The following RIOK1 variants were observed in gnomAD, a reference collection of about 807,000 sequenced individuals.
RIOK1 encodes the protein RIO kinase 1.
A neutral mutation model predicts 73.5 loss-of-function variants in RIOK1; 66 were observed. That is an observed-to-expected ratio of 0.90 (90% CI 0.74 to 1.10). The LOEUF is 1.10. RIOK1 is among the 50% of genes least tolerant of loss of function. The pLI is 0.00. For missense variants in RIOK1, 658 were observed against 699.8 expected, an observed-to-expected ratio of 0.94 and a Z score of 0.67; for synonymous variants, 224 against 226.8, an observed-to-expected ratio of 0.99 and a Z score of 0.11.
chr6:7,411,496 G>T (rs761648932), intron 14 of RIOK1, 45 bp downstream of exon 14: 32 of 1,609,252 alleles, frequency 2.0e-5, no homozygotes, highest in Non-Finnish European at 2.5e-5. Flanking sequence ...TTCAAAAGTA[G>T]TAGGGGACTG....
Position 7,411,426 on chromosome 6 carries a change from T to C in RIOK1, c.1364T>C (p.Met455Thr), listed in dbSNP as rs749735149. 1 of 1,614,094 alleles carries C rather than the reference T, an allele frequency of 6.2e-7. No homozygotes were observed. The highest frequency in any genetic ancestry group is 2.2e-5 in the East Asian group (1 of 44,866). The change falls in exon 14 of 17, where the codon ATG becomes ACG. Residue 455 changes from methionine to threonine, a missense_variant. Physicochemically the swap from Met to Thr is moderately conservative, Grantham distance 81 (BLOSUM62 -1). Coordinates refer to ENST00000379834, the MANE Select transcript of RIOK1 (RefSeq NM_031480.3). ...ATTATGAAATTGAAGGAAGAGGACA[T>C]GGCCATGAATGCCCAACAAGATAAT... ...DIIMKLKEEDMAMNAQQDNIL... is the reference protein window; with the variant it reads ...DIIMKLKEEDTAMNAQQDNIL...
At position 7,396,744 on chromosome 6, in the gene RIOK1, G is replaced by C; in HGVS notation, c.409G>C (p.Glu137Gln). 6.3e-7 allele frequency: 1 copy of C among 1,599,100 alleles called. No individual in the cohort carries two copies. Among genetic ancestry groups the C allele is most frequent in the Admixed American group, 1.7e-5 (1 of 59,466 alleles). ...VTDSVINKVT[E>Q]KSRQKEADMY... ...TGATTCCGTCATAAATAAAGTCACC[G>C]AAAAGTCTAGACAAAAGGAAGCAGA... The change falls in exon 4 of 17, where the codon GAA (glutamate) becomes CAA (glutamine). Residue 137 changes from glutamate to glutamine, a missense_variant. Coordinates refer to ENST00000379834, the MANE Select transcript of RIOK1 (RefSeq NM_031480.3).
At chr6:7,392,932 G>A in intron 1 of RIOK1, 167 bp from the exon 2 acceptor site, 1 of 984,302 alleles carries the variant, frequency 1.0e-6, no homozygotes. Flanking sequence ...CTGGAAAACA[G>A]GAGAACATGG....
chr6:7,404,324 A>C (rs1334293070), intron 9 of RIOK1, 94 bp from the exon 10 acceptor site: 5 of 1,378,808 alleles, frequency 3.6e-6, no homozygotes, highest in Middle Eastern at 2.0e-4. Flanking sequence ...TACAGCTCAC[A>C]TGATGAGTTG....
rs547365638 is a variant in RIOK1 at position 7,405,418 on chromosome 6, A to T, written c.1203+63A>T. ...GTACAGGTGCAGTATCTCTTATCTCAAGTGCTTGGGACCAGAAGTGTTTTG... is the reference window on the plus strand; with the variant it reads ...GTACAGGTGCAGTATCTCTTATCTCTAGTGCTTGGGACCAGAAGTGTTTTG... On this transcript the variant is annotated intron_variant, in intron 12 of 16. Coordinates refer to ENST00000379834, the MANE Select transcript of RIOK1 (RefSeq NM_031480.3). 5 of 947,242 alleles carry T rather than the reference A, an allele frequency of 5.3e-6. No individual in the cohort carries two copies. The South Asian group carries it at 7.0e-5, about 13-fold the overall frequency. The allele number at this position is 947,242 out of a possible 1,614,324, so 58.7% of individuals were successfully genotyped here. A position where few individuals can be genotyped will look rare whatever the true frequency, so the allele number is the denominator to read the frequency against.
In RIOK1 at chr6:7,401,028, G is replaced by C. The variant is rs949873342; in HGVS notation, c.551G>C (p.Gly184Ala). The change falls in exon 6 of 17, where the codon GGC (glycine) becomes GCC (alanine). Residue 184 changes from glycine to alanine, a missense_variant. Gly to Ala is a moderately conservative substitution (Grantham distance 60, BLOSUM62 0). Coordinates refer to ENST00000379834, the MANE Select transcript of RIOK1 (RefSeq NM_031480.3). ...LTRGIITEIN[G>A]CISTGKEANV... ...AGAGGAATCATAACAGAGATAAATG[G>C]CTGCATTAGCACAGGAAAAGAAGTG... The C allele has an allele frequency of 2.0e-5, 32 of 1,605,374 alleles. No homozygotes were observed. The highest frequency in any genetic ancestry group is 2.6e-5 in the Non-Finnish European group (31 of 1,173,250).
At chr6:7,402,939 A>G (rs1761650613) in intron 8 of RIOK1, 42 bp downstream of exon 8, 3 of 1,555,202 alleles carry the variant, frequency 1.9e-6, no homozygotes, top group South Asian at 2.3e-5. Flanking sequence ...TATGCCCTGT[A>G]CATGAACATC....
At chr6:7,414,418 C>A (rs1218818785) in intron 16 of RIOK1, 28 bp downstream of exon 16, 2 of 1,583,296 alleles carry the variant, frequency 1.3e-6, no homozygotes, top group African/African-American at 2.7e-5. Flanking sequence ...TTCCCCTTTT[C>A]TTTAGTGTGG....
intron 1 of RIOK1, 95 bp downstream of exon 1, chr6:7,390,168 T>C (rs899788557): frequency 1.1e-5 from 11 of 1,005,560 alleles, no homozygotes; most frequent in African/African-American, 4.9e-5. Flanking sequence ...AGAGGGAGAC[T>C]AGTGGTTCAT....
intron 14 of RIOK1, among the ~76,000 whole-genome samples, chr6:7,411,779 C>A (rs747734358): frequency 4.6e-5 from 7 of 152,154 alleles, no homozygotes; most frequent in Non-Finnish European, 8.8e-5. Context: ...GGAACAATTT[C>A]TTTTTGGTGA....
intron 1 of RIOK1, chr6:7,392,805 G>A (rs796571297): frequency 2.1e-4 from 74 of 352,868 alleles, no homozygotes; most frequent in African/African-American, 1.5e-3. Context: ...TGTTTATTCA[G>A]CAGAGAAGAT....
intron 12 of RIOK1, among the ~76,000 whole-genome samples, chr6:7,407,913 G>C (rs1761788143): frequency 6.6e-6 from 1 of 152,156 alleles, no homozygotes; most frequent in Admixed American, 6.5e-5. Flanking sequence ...TTTTCACTCT[G>C]TTGATTGCAA....
intron 5 of RIOK1, 63 bp downstream of exon 5, chr6:7,398,803 T>A: frequency 7.3e-7 from 1 of 1,371,992 alleles, no homozygotes; most frequent in Non-Finnish European, 1.0e-6. Context: ...CTTTGAATTG[T>A]AGTTTGCTTT....
At chr6:7,398,645 G>A in intron 4 of RIOK1, 53 bp from the exon 5 acceptor site, 1 of 1,331,512 alleles carries the variant, frequency 7.5e-7, no homozygotes, top group South Asian at 1.2e-5. Flanking sequence ...AGAAGATTTT[G>A]GCTTCTCACT....
chr6:7,400,909 A>C, intron 5 of RIOK1, 49 bp from the exon 6 acceptor site: 1 of 1,165,080 alleles, frequency 8.6e-7, no homozygotes, highest in Non-Finnish European at 1.3e-6. Context: ...TAATGAGGAA[A>C]ATTTGGTACC....
rs889943194 is a variant in RIOK1 at position 7,395,070 on chromosome 6, C to T, written c.294C>T (p.Ser98=). ...CCTTCTAGGCAAATCGACAGACCTC[C>T]GACAGCAGTTCAGCCAAAATGTCTA... ...GSNPQANRQT[S]DSSSAKMSTP... is the part of the protein sequence containing the mutation. Residue 98 remains serine, a synonymous_variant, in exon 3 of 17, where the codon TCC becomes TCT. Coordinates refer to ENST00000379834, the MANE Select transcript of RIOK1 (RefSeq NM_031480.3). 2.5e-5 allele frequency: 40 copies of T among 1,613,734 alleles called. No homozygotes were observed. The highest frequency in any genetic ancestry group is 6.7e-5 in the African/African-American group (5 of 74,888).
chr6:7,396,123 G>C (rs373062016), intron 3 of RIOK1, among the ~76,000 whole-genome samples: 34 of 152,242 alleles, frequency 2.2e-4, no homozygotes, highest in African/African-American at 7.5e-4. Flanking sequence ...TAATTATTTA[G>C]TGACCTGTTC....
chr6:7,400,928 G>A lies in RIOK1; in HGVS notation c.481-30G>A, dbSNP rs1761596063. The A allele has an allele frequency of 3.5e-6, 5 of 1,446,420 alleles. No homozygotes were observed. The East Asian group carries it at 1.1e-4, about 33-fold the overall frequency. 89.6% of individuals were successfully genotyped at this position (1,446,420 alleles called of 1,614,324 possible). A position where few individuals can be genotyped will look rare whatever the true frequency, so the allele number is the denominator to read the frequency against. On this transcript the variant is annotated intron_variant, in intron 5 of 16. Coordinates refer to ENST00000379834, the MANE Select transcript of RIOK1 (RefSeq NM_031480.3). ...GAGGAAAATTTGGTACCGTCTTTTG[G>A]AACTTTTTAATTTTTGCATTTCTTT...
intron 6 of RIOK1, among the ~76,000 whole-genome samples, chr6:7,401,890 G>T (rs971441521): frequency 6.6e-6 from 1 of 151,838 alleles, no homozygotes; most frequent in Non-Finnish European, 1.5e-5. Flanking sequence ...TGTTGACCAG[G>T]CTGGTCTCAA....
Sources: gnomAD v4.1 joint callset for allele counts (sites outside exome capture counted in the v4.1 genomes callset) on GRCh38, gnomAD v4.1.1 for gene constraint, MANE v1.5 for transcripts, NCBI Gene and HGNC (gene_info 2026-07-23, HGNC 2026-07-21) for gene names.